The following CAPN9 variants were observed in gnomAD, a reference collection of about 807,000 sequenced individuals.
CAPN9 encodes the protein calpain 9, also known as calpain-9.
CAPN9 carries 81 observed loss-of-function variants against 92.8 expected under a neutral mutation model. The ratio of observed to expected loss-of-function variants is 0.87; its 90% confidence interval spans 0.73 to 1.05. The LOEUF is 1.05. Among genes scored for constraint, CAPN9 ranks in the 50% least tolerant of loss-of-function variants. The pLI, the probability that CAPN9 is intolerant of heterozygous loss-of-function variation, is 0.00. For missense variants in CAPN9, 848 were observed against 866.2 expected (o/e 0.98, Z 0.26); for synonymous variants, 304 against 328.0 (o/e 0.93, Z 0.79).
Position 230,782,745 on chromosome 1 carries a change from G to A in CAPN9, c.1481+2037G>A, listed in dbSNP as rs535790132. 9.2e-5 allele frequency among the ~76,000 whole-genome samples: 14 copies of A among 152,240 alleles called. No homozygotes were observed. The East Asian group carries it at 1.2e-3, about 13-fold the overall frequency. On this transcript the variant is annotated intron_variant, in intron 11 of 19. Transcript: ENST00000271971. ...AAAAGGTGGTCTTTAGGCCAGGCACGGTGGCTCATGCCTGTAATCCCAGCA... is the reference window on the plus strand; with the variant it reads ...AAAAGGTGGTCTTTAGGCCAGGCACAGTGGCTCATGCCTGTAATCCCAGCA...
At chr1:230,792,008 A>G (rs184308877) in intron 15 of CAPN9, 80 bp downstream of exon 15, 91 of 998,556 alleles carry the variant, frequency 9.1e-5, no homozygotes, top group Non-Finnish European at 8.0e-6. Flanking sequence ...AATAGTGCAG[A>G]CTCTCCAAGA....
chr1:230,792,515 C>G (rs770096921), intron 16 of CAPN9, 21 bp downstream of exon 16: 1 of 1,600,996 alleles, frequency 6.2e-7, no homozygotes, highest in Admixed American at 1.7e-5. Flanking sequence ...TGGAGCAGGG[C>G]TTGGCCTCTG....
At chr1:230,748,978 TTGAC>T (rs775599663) in intron 1 of CAPN9, among the ~76,000 whole-genome samples, 7 of 152,144 alleles carry the variant, frequency 4.6e-5, no homozygotes, top group African/African-American at 7.2e-5. Flanking sequence ...GTGTAGGAAT[TTGAC>T]TGTGTATGTG....
In CAPN9 at chr1:230,792,904, C is replaced by A. The variant is rs775983601; in HGVS notation, c.1846C>A (p.Leu616Ile). 1.2e-5 allele frequency: 20 copies of A among 1,613,736 alleles called. No homozygotes were observed. The highest frequency in any genetic ancestry group is 1.7e-5 in the Non-Finnish European group (20 of 1,179,772). The change falls in exon 17 of 20, where the codon CTA becomes ATA. Residue 616 changes from leucine to isoleucine, a missense_variant. By Grantham distance (5) the Leu-to-Ile change is conservative. Coordinates refer to ENST00000271971, the MANE Select transcript of CAPN9 (RefSeq NM_006615.3). ...DKSGTMSTYE[L>I]RTALKAAGFQ... is the part of the protein sequence containing the mutation. ...GTCCGGCACCATGTCTACCTATGAA[C>A]TACGGACTGCACTGAAAGCTGCAGG... is the stretch of plus-strand genomic sequence containing the variant.
At chr1:230,786,164 G>C in intron 12 of CAPN9, 147 bp downstream of exon 12, 1 of 1,560,600 alleles carries the variant, frequency 6.4e-7, no homozygotes, top group Admixed American at 1.8e-5. Flanking sequence ...ACCTCCTGGA[G>C]ACCAAGATGT....
chr1:230,759,741 T>G, intron 3 of CAPN9, 111 bp downstream of exon 3: 1 of 655,934 alleles, frequency 1.5e-6, no homozygotes, highest in Non-Finnish European at 2.6e-6. Context: ...CAGATCTGTG[T>G]GACATATGGT....
chr1:230,795,468 C>A (rs1447600402), intron 18 of CAPN9, 189 bp downstream of exon 18: 2 of 541,894 alleles, frequency 3.7e-6, no homozygotes, highest in Non-Finnish European at 6.7e-6. Flanking sequence ...TCCCCTGCAG[C>A]ACGTTTCTTA....
At chr1:230,789,209 A>C (rs982409379) in intron 13 of CAPN9, among the ~76,000 whole-genome samples, 1 of 152,018 alleles carries the variant, frequency 6.6e-6, no homozygotes, top group Non-Finnish European at 1.5e-5. Context: ...GTGCTACTCA[A>C]ACACACATGT....
intron 1 of CAPN9, among the ~76,000 whole-genome samples, chr1:230,751,556 A>G (rs1156419119): frequency 6.7e-6 from 1 of 148,620 alleles, no homozygotes; most frequent in African/African-American, 2.5e-5. Flanking sequence ...AAAGAAAGGA[A>G]GAAGAGAAAG....
intron 19 of CAPN9, among the ~76,000 whole-genome samples, chr1:230,799,988 C>G (rs961974398): frequency 1.3e-5 from 2 of 151,750 alleles, no homozygotes; most frequent in Non-Finnish European, 2.9e-5. Flanking sequence ...ACCATCCTGG[C>G]TAACACGGTG....
intron 13 of CAPN9, among the ~76,000 whole-genome samples, 188 bp downstream of exon 13, chr1:230,787,790 A>C (rs555739158): frequency 6.6e-6 from 1 of 152,296 alleles, no homozygotes; most frequent in Non-Finnish European, 1.5e-5. Flanking sequence ...TTACTTACAC[A>C]GTCTGCGGCT....
intron 13 of CAPN9, among the ~76,000 whole-genome samples, chr1:230,788,957 C>G (rs1283393361): frequency 6.6e-6 from 1 of 152,134 alleles, no homozygotes; most frequent in Non-Finnish European, 1.5e-5. Flanking sequence ...TAGAGTTCAG[C>G]CCTCCTTGAC....
chr1:230,755,883 C>T (rs138776691), intron 2 of CAPN9, among the ~76,000 whole-genome samples: 67 of 152,284 alleles, frequency 4.4e-4, no homozygotes, highest in Non-Finnish European at 7.9e-4. Flanking sequence ...AACCCAGACA[C>T]TCCAGCAGCA....
rs780360329 is a variant in CAPN9 at position 230,759,546 on chromosome 1, T to C, written c.318T>C (p.Leu106=). 6.8e-6 allele frequency: 11 copies of C among 1,611,972 alleles called. No homozygotes were observed. The highest frequency in any genetic ancestry group is 9.3e-6 in the Non-Finnish European group (11 of 1,179,330). The change falls in exon 3 of 20, where the codon CTT becomes CTC. Residue 106 remains leucine (L), a synonymous_variant. Transcript: ENST00000271971. ...GGCTATTAGCCGCCATCGCCTCCCTTACGCTTAATCAAAAAGCACTGGCCA... is the reference window on the plus strand; with the variant it reads ...GGCTATTAGCCGCCATCGCCTCCCTCACGCTTAATCAAAAAGCACTGGCCA... ...DCWLLAAIAS[L]TLNQKALARV... is the part of the protein sequence containing the mutation.
intron 17 of CAPN9, among the ~76,000 whole-genome samples, chr1:230,793,817 T>G (rs1668166282): frequency 6.6e-6 from 1 of 152,138 alleles, no homozygotes; most frequent in Non-Finnish European, 1.5e-5. Flanking sequence ...GGGCGCCTGA[T>G]TTTCTTAGGG....
intron 1 of CAPN9, among the ~76,000 whole-genome samples, chr1:230,753,840 T>TC (rs1665022813): frequency 7.3e-6 from 1 of 136,766 alleles, no homozygotes; most frequent in Non-Finnish European, 1.7e-5. Context: ...CGGCCCGGCT[T>TC]CCTCCCTCCC....
intron 19 of CAPN9, among the ~76,000 whole-genome samples, chr1:230,801,194 G>C (rs1668707001): frequency 6.6e-6 from 1 of 152,124 alleles, no homozygotes; most frequent in African/African-American, 2.4e-5. Context: ...CCAGGGTGGA[G>C]GGCCACCTCT....
intron 11 of CAPN9, among the ~76,000 whole-genome samples, chr1:230,782,047 A>T (rs985734003): frequency 1.3e-5 from 2 of 152,196 alleles, no homozygotes; most frequent in Admixed American, 6.5e-5. Flanking sequence ...ATCCATGCAG[A>T]TTGACATCTC....
At chr1:230,767,453 G>A in intron 4 of CAPN9, 88 bp from the exon 5 acceptor site, 1 of 1,107,972 alleles carries the variant, frequency 9.0e-7, no homozygotes, top group South Asian at 1.7e-5. Flanking sequence ...GATGCTTCAG[G>A]CTTAGTTAGA....
Sources: allele counts gnomAD v4.1 joint callset (sites outside exome capture counted in the v4.1 genomes callset), GRCh38; gene constraint gnomAD v4.1.1; transcripts MANE v1.5; gene names NCBI Gene and HGNC (gene_info 2026-07-23, HGNC 2026-07-21).